The following SERP2 variants were observed in gnomAD, a reference collection of about 807,000 sequenced individuals.
The protein encoded by SERP2 is stress associated endoplasmic reticulum protein family member 2, also known as stress-associated endoplasmic reticulum protein 2.
A neutral mutation model predicts 9.1 loss-of-function variants in SERP2; 6 were observed. The observed-to-expected ratio is 0.66, with a 90% CI of 0.36 to 1.30. The LOEUF is 1.30. Ranked by LOEUF, SERP2 falls within the 50% of genes most tolerant of loss-of-function variation. The pLI, the probability that SERP2 is intolerant of heterozygous loss-of-function variation, is 0.03. For missense variants in SERP2, 58 were observed against 81.9 expected (o/e 0.71, Z 1.13); for synonymous variants, 37 against 27.3 (o/e 1.35, Z -1.10).
At chr13:44,393,062 CG>C (rs1473992696) in intron 2 of SERP2, among the ~76,000 whole-genome samples, 3 of 151,654 alleles carry the variant, frequency 2.0e-5, no homozygotes, top group East Asian at 3.9e-4. Flanking sequence ...AAGTGCCCAG[CG>C]GGGGTGAGCA....
chr13:44,376,263 G>C (rs1252323046), intron 1 of SERP2, among the ~76,000 whole-genome samples: 1 of 152,194 alleles, frequency 6.6e-6, no homozygotes, highest in African/African-American at 2.4e-5. Flanking sequence ...TCAATTACAA[G>C]TCAAATATGA....
intron 2 of SERP2, among the ~76,000 whole-genome samples, chr13:44,396,429 CCTT>C (rs1357812562): frequency 1.4e-5 from 2 of 148,054 alleles, no homozygotes; most frequent in Non-Finnish European, 3.0e-5. Flanking sequence ...TACCCACCCT[CCTT>C]CAAAAAAAAA....
intron 2 of SERP2, among the ~76,000 whole-genome samples, chr13:44,388,631 C>T (rs1344106563): frequency 2.6e-5 from 4 of 152,292 alleles, no homozygotes; most frequent in African/African-American, 7.2e-5. Context: ...AGTTAACAGG[C>T]GGCACTTTCC....
intron 2 of SERP2, among the ~76,000 whole-genome samples, chr13:44,382,248 A>G (rs1372562886): frequency 6.6e-6 from 1 of 151,930 alleles, no homozygotes; most frequent in African/African-American, 2.4e-5. Flanking sequence ...CATCCTGGCT[A>G]ACACGATGAA....
chr13:44,392,716 CGAGGTACCTCT>C (rs1392245130), intron 2 of SERP2, among the ~76,000 whole-genome samples: 2 of 151,948 alleles, frequency 1.3e-5, no homozygotes, highest in Non-Finnish European at 2.9e-5. Context: ...CTGTTGAGTC[CGAGGTACCTCT>C]GAGCCACCCA....
intron 2 of SERP2, among the ~76,000 whole-genome samples, chr13:44,394,628 T>C (rs1566096011): frequency 6.6e-6 from 1 of 152,256 alleles, no homozygotes; most frequent in Non-Finnish European, 1.5e-5. Context: ...AGTAATATTT[T>C]TGAGCATCTA....
intron 2 of SERP2, among the ~76,000 whole-genome samples, chr13:44,384,039 C>T (rs778175565): frequency 6.6e-6 from 1 of 152,010 alleles, no homozygotes; most frequent in Non-Finnish European, 1.5e-5. Flanking sequence ...AATAATTCAC[C>T]ACCACCTTTT....
intron 2 of SERP2, among the ~76,000 whole-genome samples, chr13:44,386,002 C>T (rs1010078637): frequency 6.6e-6 from 1 of 152,194 alleles, no homozygotes; most frequent in South Asian, 2.1e-4. Context: ...ACCTCTCACA[C>T]TGGTCTCAAT....
At chr13:44,395,181 G>C (rs1222958537) in intron 2 of SERP2, among the ~76,000 whole-genome samples, 2 of 152,098 alleles carry the variant, frequency 1.3e-5, no homozygotes, top group Non-Finnish European at 2.9e-5. Context: ...CATTCCTATT[G>C]AGCCAGAATA....
At chr13:44,395,142 C>T (rs986365762) in intron 2 of SERP2, among the ~76,000 whole-genome samples, 8 of 152,048 alleles carry the variant, frequency 5.3e-5, no homozygotes, top group Admixed American at 2.0e-4. Flanking sequence ...CTTTTTTTTC[C>T]TAATGTTGAA....
chr13:44,392,064 G>A (rs917456620), intron 2 of SERP2, among the ~76,000 whole-genome samples: 1 of 151,454 alleles, frequency 6.6e-6, no homozygotes, highest in African/African-American at 2.4e-5. Context: ...TGGGCATGGT[G>A]GTGCGCTCCT....
chr13:44,379,750 C>T (rs772893502), intron 2 of SERP2, 37 bp downstream of exon 2: 3 of 1,421,840 alleles, frequency 2.1e-6, no homozygotes, highest in East Asian at 2.3e-5. Flanking sequence ...CCCATGTTCT[C>T]CACTGGCCTT....
intron 2 of SERP2, among the ~76,000 whole-genome samples, chr13:44,381,839 T>C (rs1871998154): frequency 6.6e-6 from 1 of 152,240 alleles, no homozygotes; most frequent in African/African-American, 2.4e-5. Context: ...TATTTTATTT[T>C]ACTCATGACC....
intron 2 of SERP2, among the ~76,000 whole-genome samples, chr13:44,391,977 G>A (rs373034311): frequency 1.5e-4 from 22 of 151,586 alleles, no homozygotes; most frequent in African/African-American, 4.8e-4. Flanking sequence ...CGGGTGGATC[G>A]TGAGATCAAG....
At chr13:44,390,897 T>C (rs998681062) in intron 2 of SERP2, 4 of 152,450 alleles carry the variant, frequency 2.6e-5, no homozygotes, top group African/African-American at 9.6e-5. Context: ...AGAGGGCCTG[T>C]ACTTTGCTTT....
At chr13:44,374,172 G>GGGGGC in intron 1 of SERP2, 63 bp downstream of exon 1, 1 of 800,916 alleles carries the variant, frequency 1.2e-6, no homozygotes, top group Non-Finnish European at 1.8e-6. Context: ...GGCGGAAGGT[G>GGGGGC]GGGGCGGGGC....
intron 2 of SERP2, among the ~76,000 whole-genome samples, chr13:44,394,794 G>A (rs1872990770): frequency 6.6e-6 from 1 of 152,202 alleles, no homozygotes; most frequent in Admixed American, 6.5e-5. Context: ...TCTGCATGCT[G>A]GGACAGGGAG....
intron 2 of SERP2, among the ~76,000 whole-genome samples, chr13:44,380,873 T>G (rs1254203830): frequency 6.6e-6 from 1 of 152,196 alleles, no homozygotes; most frequent in Non-Finnish European, 1.5e-5. Flanking sequence ...TGTTTTGAAT[T>G]ACACTATGCT....
chr13:44,393,732 T>C (rs1872919922), intron 2 of SERP2, among the ~76,000 whole-genome samples: 1 of 152,184 alleles, frequency 6.6e-6, no homozygotes, highest in African/African-American at 2.4e-5. Context: ...CCCTTCCCAT[T>C]TGCCGCCTCA....
Sources: gnomAD v4.1 joint callset for allele counts (sites outside exome capture counted in the v4.1 genomes callset) on GRCh38, gnomAD v4.1.1 for gene constraint, MANE v1.5 for transcripts, NCBI Gene and HGNC (gene_info 2026-07-23, HGNC 2026-07-21) for gene names.